The following GRIK2 variants were observed in gnomAD, a reference collection of about 807,000 sequenced individuals.
GRIK2 encodes the protein glutamate receptor ionotropic, kainate 2.
GRIK2 carries 32 observed loss-of-function variants against 100.3 expected under a neutral mutation model. The observed-to-expected ratio is 0.32, with a 90% CI of 0.24 to 0.43. The LOEUF (loss-of-function observed/expected upper bound fraction) is 0.43, where lower values mean the gene tolerates loss of function less well. Ranked by LOEUF, GRIK2 falls within the 20% of genes least tolerant of loss-of-function variation. GRIK2 has a pLI of 1.00. For synonymous variants in GRIK2, 417 were observed against 389.4 expected (o/e 1.07, Z -0.83); for missense variants, 843 against 1,114.9 (o/e 0.76, Z 3.47).
intron 16 of GRIK2, among the ~76,000 whole-genome samples, chr6:102,058,366 C>T (rs1771570910): frequency 6.6e-6 from 1 of 151,648 alleles, no homozygotes; most frequent in African/African-American, 2.4e-5. Context: ...ATCTATTTAC[C>T]TACCTACCTA....
intron 2 of GRIK2, among the ~76,000 whole-genome samples, chr6:101,498,525 A>T (rs1352574462): frequency 1.3e-5 from 2 of 149,896 alleles, no homozygotes; most frequent in African/African-American, 2.5e-5. Flanking sequence ...CCTCTCCAGC[A>T]CCTGTTGTTT....
intron 14 of GRIK2, among the ~76,000 whole-genome samples, chr6:102,010,825 T>C (rs575134894): frequency 2.0e-5 from 3 of 152,252 alleles, no homozygotes; most frequent in Admixed American, 6.5e-5. Context: ...TAATATTAAT[T>C]TTATTTTCTT....
intron 2 of GRIK2, among the ~76,000 whole-genome samples, chr6:101,488,443 G>A (rs1772940175): frequency 6.8e-6 from 1 of 146,828 alleles, no homozygotes; most frequent in Non-Finnish European, 1.5e-5. Context: ...TAATTATAAT[G>A]TAAACTTGTT....
chr6:101,683,445 A>G (rs754145779), intron 6 of GRIK2, among the ~76,000 whole-genome samples: 79 of 152,132 alleles, frequency 5.2e-4, no homozygotes, highest in Non-Finnish European at 1.1e-3. Context: ...ATTTTCCCTT[A>G]TAATGTATGA....
chr6:101,466,547 G>A (rs994014945), intron 2 of GRIK2, among the ~76,000 whole-genome samples: 6 of 149,908 alleles, frequency 4.0e-5, no homozygotes, highest in African/African-American at 4.9e-5. Flanking sequence ...TAGCTACTTC[G>A]AAATATTAAC....
chr6:102,007,753 AAG>A (rs1330369341), intron 14 of GRIK2, among the ~76,000 whole-genome samples: 2 of 152,064 alleles, frequency 1.3e-5, no homozygotes, highest in East Asian at 1.9e-4. Context: ...TTTCTTAGGA[AAG>A]AGGTTTAATT....
At chr6:101,723,850 A>G (rs958312420) in intron 7 of GRIK2, among the ~76,000 whole-genome samples, 3 of 152,118 alleles carry the variant, frequency 2.0e-5, no homozygotes, top group Admixed American at 6.6e-5. Context: ...CTTATGGAGG[A>G]AATTCTCAAA....
intron 7 of GRIK2, among the ~76,000 whole-genome samples, chr6:101,768,204 A>G (rs968417954): frequency 3.3e-5 from 5 of 152,174 alleles, no homozygotes; most frequent in Admixed American, 1.3e-4. Flanking sequence ...CACAACATAA[A>G]TTGCTTAACC....
At chr6:101,486,570 G>C (rs2518235) in intron 2 of GRIK2, among the ~76,000 whole-genome samples, 33,767 of 151,926 alleles carry the variant, frequency 0.22, 3,983 homozygotes, top group African/African-American at 0.29. Flanking sequence ...CAATTCTTTG[G>C]TGGATGAAGG....
intron 7 of GRIK2, among the ~76,000 whole-genome samples, chr6:101,728,669 A>G (rs971251553): frequency 2.0e-5 from 3 of 152,032 alleles, no homozygotes; most frequent in Admixed American, 1.3e-4. Flanking sequence ...CAATACACAG[A>G]GTAAGCACTC....
chr6:101,480,090 C>A (rs376235429), intron 2 of GRIK2, among the ~76,000 whole-genome samples: 2 of 152,232 alleles, frequency 1.3e-5, no homozygotes, highest in South Asian at 4.1e-4. Context: ...TACAAAGGAA[C>A]ATGGTGAGTG....
rs567998232 is a variant in GRIK2 at position 101,809,840 on chromosome 6, G to A, written c.1203+7402G>A. ...ATAAACCCTGTCTCAGAACTGTACC[G>A]ACATTTTTGTGTGTCAGTGTGTATA... On this transcript the variant is annotated intron_variant, in intron 9 of 16. Transcript: ENST00000369134. Among the ~76,000 whole-genome samples the A allele has an allele frequency of 1.3e-3, 198 of 152,006 alleles. 1 individual carries two copies. Among genetic ancestry groups the A allele is most frequent in the African/African-American group, 4.5e-3 (185 of 41,498 alleles).
At chr6:101,538,032 A>T (rs1473515009) in intron 2 of GRIK2, among the ~76,000 whole-genome samples, 1 of 151,864 alleles carries the variant, frequency 6.6e-6, no homozygotes, top group Non-Finnish European at 1.5e-5. Context: ...ACAAGAATGT[A>T]TGCACAACAA....
chr6:101,502,787 AACTT>A (rs1773828781), intron 2 of GRIK2, among the ~76,000 whole-genome samples: 1 of 152,144 alleles, frequency 6.6e-6, no homozygotes, highest in Non-Finnish European at 1.5e-5. Flanking sequence ...AATGGCAAAA[AACTT>A]ACTTTCTACT....
intron 14 of GRIK2, among the ~76,000 whole-genome samples, chr6:101,931,373 T>C (rs115429074): frequency 0.011 from 1,727 of 152,250 alleles, 36 homozygotes; most frequent in African/African-American, 0.04. Context: ...AAGGAATCTC[T>C]ATCTTGTTTT....
intron 2 of GRIK2, among the ~76,000 whole-genome samples, chr6:101,519,030 A>T (rs1774734311): frequency 6.6e-6 from 1 of 152,188 alleles, no homozygotes; most frequent in Non-Finnish European, 1.5e-5. Flanking sequence ...AATGCTCTTT[A>T]GCTTAGGAAT....
At chr6:101,531,906 T>A (rs1388624219) in intron 2 of GRIK2, among the ~76,000 whole-genome samples, 2 of 151,958 alleles carry the variant, frequency 1.3e-5, no homozygotes, top group African/African-American at 4.8e-5. Context: ...TGATTCCAGG[T>A]CTCATAATTG....
intron 7 of GRIK2, among the ~76,000 whole-genome samples, chr6:101,752,701 T>C (rs1331597269): frequency 3.9e-5 from 6 of 152,128 alleles, no homozygotes; most frequent in African/African-American, 1.4e-4. Context: ...TTTGCGTTAT[T>C]CCAAAAACAA....
chr6:101,920,327 A>G (rs1443159868), intron 12 of GRIK2, among the ~76,000 whole-genome samples: 5 of 151,952 alleles, frequency 3.3e-5, no homozygotes, highest in Non-Finnish European at 7.4e-5. Context: ...TTTCCTCAGC[A>G]AGGGGCTTCT....
Sources: gnomAD v4.1 joint callset for allele counts (sites outside exome capture counted in the v4.1 genomes callset) on GRCh38, gnomAD v4.1.1 for gene constraint, MANE v1.5 for transcripts, NCBI Gene and HGNC (gene_info 2026-07-23, HGNC 2026-07-21) for gene names.